Variants in CHD9 observed in about 807,000 individuals in gnomAD.
CHD9 encodes the protein ATP-dependent chromatin remodeler CHD9.
A neutral mutation model predicts 316.1 loss-of-function variants in CHD9; 77 were observed. The ratio of observed to expected loss-of-function variants is 0.24; its 90% confidence interval spans 0.20 to 0.29. The LOEUF (loss-of-function observed/expected upper bound fraction) is 0.29, where lower values mean the gene tolerates loss of function less well. CHD9 is among the 10% of genes least tolerant of loss of function. The pLI, the probability that CHD9 is intolerant of heterozygous loss-of-function variation, is 1.00. For missense variants in CHD9, 2,763 were observed against 3,438.1 expected, an observed-to-expected ratio of 0.80 and a Z score of 4.91; for synonymous variants, 1,129 against 1,158.3, an observed-to-expected ratio of 0.97 and a Z score of 0.51.
At chr16:53,257,945 C>A (rs1346323526) in intron 19 of CHD9, among the ~76,000 whole-genome samples, 1 of 152,038 alleles carries the variant, frequency 6.6e-6, no homozygotes. Flanking sequence ...TATCTGAAAT[C>A]TAATTAATAT....
intron 37 of CHD9, chr16:53,321,129 T>G (rs1484997306): frequency 1.3e-6 from 1 of 742,386 alleles, no homozygotes; most frequent in Admixed American, 2.4e-5. Flanking sequence ...TAAAACCCTA[T>G]GAGGGAAGTA....
intron 2 of CHD9, among the ~76,000 whole-genome samples, chr16:53,171,829 A>G (rs567751614): frequency 0.019 from 1,817 of 96,956 alleles, 26 homozygotes; most frequent in Middle Eastern, 0.033. Context: ...AACAAACAAA[A>G]CCACACACAC....
intron 1 of CHD9, among the ~76,000 whole-genome samples, chr16:53,098,981 A>G (rs1022847636): frequency 2.6e-5 from 4 of 152,140 alleles, no homozygotes; most frequent in Non-Finnish European, 5.9e-5. Context: ...AAGGAAGCCT[A>G]CTGTCTGTCT....
intron 1 of CHD9, among the ~76,000 whole-genome samples, chr16:53,118,049 G>A (rs11647302): frequency 0.27 from 41,256 of 151,556 alleles, 7,046 homozygotes; most frequent in Non-Finnish European, 0.38. Context: ...GGGCAGTTTC[G>A]ATCTCCTGAC....
At chr16:53,252,120 C>T (rs1271030377) in intron 17 of CHD9, among the ~76,000 whole-genome samples, 1 of 152,154 alleles carries the variant, frequency 6.6e-6, no homozygotes, top group African/African-American at 2.4e-5. Flanking sequence ...AAGAACAAAT[C>T]TGAAGGCATC....
At chr16:53,127,161 C>G (rs1396378716) in intron 1 of CHD9, among the ~76,000 whole-genome samples, 2 of 152,028 alleles carry the variant, frequency 1.3e-5, no homozygotes, top group Non-Finnish European at 2.9e-5. Flanking sequence ...AAGGTTTTAC[C>G]ATATTGCCCA....
At chr16:53,187,026 A>G (rs2039670943) in intron 2 of CHD9, among the ~76,000 whole-genome samples, 1 of 152,224 alleles carries the variant, frequency 6.6e-6, no homozygotes, top group African/African-American at 2.4e-5. Context: ...AATCCACAAT[A>G]AAATCTATGC....
chr16:53,117,789 G>A (rs1278473079), intron 1 of CHD9, among the ~76,000 whole-genome samples: 1 of 151,828 alleles, frequency 6.6e-6, no homozygotes, highest in East Asian at 1.9e-4. Context: ...CTGTAATGCT[G>A]GAGAAATCAA....
intron 1 of CHD9, among the ~76,000 whole-genome samples, chr16:53,055,297 A>G (rs955057903): frequency 3.9e-5 from 6 of 152,174 alleles, no homozygotes; most frequent in Non-Finnish European, 5.9e-5. Context: ...CATCCTCCCC[A>G]GCCCTCGCCT....
intron 3 of CHD9, among the ~76,000 whole-genome samples, chr16:53,217,336 C>G (rs187075797): frequency 1.3e-5 from 2 of 152,204 alleles, no homozygotes; most frequent in Admixed American, 1.3e-4. Context: ...TTACAGCAAC[C>G]TCTGCCTCCC....
chr16:53,230,104 C>G (rs1285574286), intron 8 of CHD9, among the ~76,000 whole-genome samples: 3 of 152,020 alleles, frequency 2.0e-5, no homozygotes, highest in Non-Finnish European at 4.4e-5. Flanking sequence ...TGTAGAATGC[C>G]CCTCAGTTTG....
chr16:53,097,861 T>G (rs2036512385), intron 1 of CHD9, among the ~76,000 whole-genome samples: 1 of 152,256 alleles, frequency 6.6e-6, no homozygotes, highest in East Asian at 1.9e-4. Flanking sequence ...TGGCTCACAC[T>G]GTAATCCCAG....
At chr16:53,070,049 C>T (rs887784718) in intron 1 of CHD9, among the ~76,000 whole-genome samples, 5 of 152,120 alleles carry the variant, frequency 3.3e-5, no homozygotes, top group Admixed American at 6.6e-5. Flanking sequence ...ATTTGTATAT[C>T]TTCCTTGGAA....
At chr16:53,260,523 C>T (rs1406941142) in intron 19 of CHD9, among the ~76,000 whole-genome samples, 3 of 152,144 alleles carry the variant, frequency 2.0e-5, no homozygotes, top group Non-Finnish European at 4.4e-5. Flanking sequence ...TGTGGTTTCT[C>T]GTTAAGAGTG....
chr16:53,251,108 A>G (rs2050091391), intron 17 of CHD9, among the ~76,000 whole-genome samples: 1 of 152,252 alleles, frequency 6.6e-6, no homozygotes. Context: ...AGGCTCAATT[A>G]GTAAATATTT....
chr16:53,064,377 G>T (rs776435327), intron 1 of CHD9, among the ~76,000 whole-genome samples: 5 of 152,002 alleles, frequency 3.3e-5, no homozygotes, highest in Admixed American at 6.6e-5. Context: ...TTTTGTTGTC[G>T]TAGCACTTTT....
At chr16:53,193,750 A>C (rs566751312) in intron 2 of CHD9, among the ~76,000 whole-genome samples, 1 of 152,294 alleles carries the variant, frequency 6.6e-6, no homozygotes, top group African/African-American at 2.4e-5. Flanking sequence ...TACTGTTCTG[A>C]AATCCTTTAG....
intron 2 of CHD9, among the ~76,000 whole-genome samples, chr16:53,178,427 C>CTTTTTTTTTTTTTTTT (rs10569589): frequency 1.0e-5 from 1 of 98,974 alleles, no homozygotes; most frequent in East Asian, 3.0e-4. Flanking sequence ...TTGTTGGTTT[C>CTTTTTTTTTTTTTTTT]TTTTTTTTTT....
chr16:53,306,535 T>G, intron 32 of CHD9, 138 bp downstream of exon 32: 1 of 565,204 alleles, frequency 1.8e-6, no homozygotes, highest in Non-Finnish European at 2.9e-6. Flanking sequence ...GCTCCAAAAG[T>G]ATAAATTACT....
Sources: allele counts gnomAD v4.1 joint callset (sites outside exome capture counted in the v4.1 genomes callset), GRCh38; gene constraint gnomAD v4.1.1; transcripts MANE v1.5; gene names NCBI Gene and HGNC (gene_info 2026-07-23, HGNC 2026-07-21).